SLC16A10: variants seen among roughly 807,000 people sequenced by gnomAD.
The protein encoded by SLC16A10 is monocarboxylate transporter 10.
SLC16A10 carries 27 observed loss-of-function variants against 40.0 expected under a neutral mutation model. The ratio of observed to expected loss-of-function variants is 0.67; its 90% confidence interval spans 0.50 to 0.93. The LOEUF is 0.93. Among genes scored for constraint, SLC16A10 ranks in the 40% least tolerant of loss-of-function variants. SLC16A10 has a pLI of 0.00. For synonymous variants in SLC16A10, 213 were observed against 249.8 expected (o/e 0.85, Z 1.39); for missense variants, 529 against 658.2 (o/e 0.80, Z 2.15).
At chr6:111,145,619 C>T (rs971290486) in intron 1 of SLC16A10, among the ~76,000 whole-genome samples, 1 of 151,972 alleles carries the variant, frequency 6.6e-6, no homozygotes, top group Non-Finnish European at 1.5e-5. Context: ...TAAGCTGAGA[C>T]AAGAAGATTA....
chr6:111,189,508 GT>G (rs1772954874), intron 3 of SLC16A10, among the ~76,000 whole-genome samples: 1 of 152,132 alleles, frequency 6.6e-6, no homozygotes, highest in Admixed American at 6.5e-5. Flanking sequence ...CCCAATCATT[GT>G]TTTTTCTTCG....
chr6:111,095,520 A>G (rs916263357), intron 1 of SLC16A10, among the ~76,000 whole-genome samples: 2 of 152,226 alleles, frequency 1.3e-5, no homozygotes, highest in African/African-American at 4.8e-5. Context: ...CATTTTAAAG[A>G]TGATCCATAT....
chr6:111,177,339 G>C lies in SLC16A10; in HGVS notation c.616G>C (p.Val206Leu). ...KKRLGLVNGI[V>L]TAGSSVFTIL... is the part of the protein sequence containing the mutation. ...GCGCCTTGGACTGGTGAATGGCATT[G>C]TCACTGCTGGCAGCAGTGTCTTCAC... is the stretch of plus-strand genomic sequence containing the variant. The change falls in exon 3 of 6, where the codon GTC (valine) becomes CTC (leucine). Residue 206 changes from valine to leucine, a missense_variant. By Grantham distance (32) the Val-to-Leu change is conservative. Transcript: ENST00000368851. 1 of 1,613,812 alleles carries C rather than the reference G, an allele frequency of 6.2e-7. No individual in the cohort carries two copies. Among genetic ancestry groups the C allele is most frequent in the Non-Finnish European group, 8.5e-7 (1 of 1,179,884 alleles).
intron 1 of SLC16A10, among the ~76,000 whole-genome samples, chr6:111,095,892 A>G (rs1337441827): frequency 3.3e-5 from 5 of 152,172 alleles, no homozygotes; most frequent in African/African-American, 9.7e-5. Context: ...CCAGCCTCAG[A>G]TATTTCTTCA....
At chr6:111,109,608 G>A (rs566296016) in intron 1 of SLC16A10, among the ~76,000 whole-genome samples, 3 of 152,022 alleles carry the variant, frequency 2.0e-5, no homozygotes, top group East Asian at 1.9e-4. Context: ...GTGTGTGCTA[G>A]TCTGTCTAAT....
intron 1 of SLC16A10, among the ~76,000 whole-genome samples, chr6:111,113,485 T>C (rs1771428129): frequency 6.6e-6 from 1 of 152,198 alleles, no homozygotes; most frequent in African/African-American, 2.4e-5. Flanking sequence ...TGTTGTTTGT[T>C]TGTTTTGCCA....
intron 1 of SLC16A10, among the ~76,000 whole-genome samples, chr6:111,136,667 C>G (rs1771883011): frequency 6.6e-6 from 1 of 152,194 alleles, no homozygotes; most frequent in South Asian, 2.1e-4. Flanking sequence ...AGGGGACCTT[C>G]TAGTGGTTCC....
chr6:111,130,510 T>G (rs991829570), intron 1 of SLC16A10, among the ~76,000 whole-genome samples: 1 of 152,236 alleles, frequency 6.6e-6, no homozygotes, highest in African/African-American at 2.4e-5. Flanking sequence ...TGAGCACTGT[T>G]GTACTCTCAG....
intron 2 of SLC16A10, 75 bp from the exon 3 acceptor site, chr6:111,177,137 C>CT: frequency 9.7e-7 from 1 of 1,028,390 alleles, no homozygotes; most frequent in Non-Finnish European, 1.3e-6. Flanking sequence ...CCCACTTATA[C>CT]TATAAGATTT....
chr6:111,151,946 G>C (rs1772179761), intron 1 of SLC16A10, among the ~76,000 whole-genome samples: 2 of 152,022 alleles, frequency 1.3e-5, no homozygotes, highest in Non-Finnish European at 2.9e-5. Flanking sequence ...ACACACCTTG[G>C]TCGATTATCA....
chr6:111,089,585 T>C (rs1340172556), intron 1 of SLC16A10, among the ~76,000 whole-genome samples: 1 of 152,186 alleles, frequency 6.6e-6, no homozygotes. Flanking sequence ...ATGGGCTAGG[T>C]ACAAAAAGTG....
intron 1 of SLC16A10, among the ~76,000 whole-genome samples, chr6:111,171,815 C>CAA (rs11396709): frequency 0.15 from 12,915 of 85,812 alleles, 800 homozygotes; most frequent in Middle Eastern, 0.25. Context: ...GACCTTTTCT[C>CAA]AAAAAAAAAA....
Position 111,218,880 on chromosome 6 carries a change from C to T in SLC16A10, c.1153C>T (p.Leu385Phe), listed in dbSNP as rs767041440. Residue 385 changes from leucine (L) to phenylalanine (F), a missense_variant, in exon 5 of 6, where the codon CTC becomes TTC. Physicochemically the swap from Leu to Phe is conservative, Grantham distance 22. Coordinates refer to ENST00000368851, the MANE Select transcript of SLC16A10 (RefSeq NM_018593.5). ...TCCTCTGTGTAGCATCTTTGGGGCC[C>T]TCATTGCTGTGTGCCTCATCATGGG... The part of the protein sequence containing the change: ...MIPLCSIFGA[L>F]IAVCLIMGLF... 6 of 1,614,064 alleles carry T rather than the reference C, an allele frequency of 3.7e-6. No homozygotes were observed. Among genetic ancestry groups the T allele is most frequent in the Non-Finnish European group, 5.1e-6 (6 of 1,180,022 alleles).
At chr6:111,110,867 T>C (rs1405388398) in intron 1 of SLC16A10, among the ~76,000 whole-genome samples, 1 of 152,206 alleles carries the variant, frequency 6.6e-6, no homozygotes, top group Admixed American at 6.5e-5. Context: ...GCCATATAGC[T>C]TCTCTCATAT....
chr6:111,142,157 G>A (rs1321875665), intron 1 of SLC16A10, among the ~76,000 whole-genome samples: 3 of 152,172 alleles, frequency 2.0e-5, no homozygotes, highest in African/African-American at 7.2e-5. Context: ...GTATGGTATT[G>A]GTGAAAGAAT....
chr6:111,126,972 T>A (rs901760239), intron 1 of SLC16A10, among the ~76,000 whole-genome samples: 1 of 152,210 alleles, frequency 6.6e-6, no homozygotes, highest in Non-Finnish European at 1.5e-5. Flanking sequence ...AAAACCGCAA[T>A]TACTTTTGCA....
intron 1 of SLC16A10, among the ~76,000 whole-genome samples, chr6:111,155,991 G>A (rs541043081): frequency 6.6e-6 from 1 of 152,184 alleles, no homozygotes; most frequent in East Asian, 1.9e-4. Flanking sequence ...ATATCAGAAA[G>A]CAAGGGAGTA....
chr6:111,167,288 C>G (rs1473099753), intron 1 of SLC16A10, among the ~76,000 whole-genome samples: 1 of 152,096 alleles, frequency 6.6e-6, no homozygotes, highest in African/African-American at 2.4e-5. Context: ...TTTAAATGTG[C>G]CACTTCACCT....
chr6:111,098,825 CATT>C (rs1214656416), intron 1 of SLC16A10, among the ~76,000 whole-genome samples: 1 of 152,170 alleles, frequency 6.6e-6, no homozygotes, highest in Non-Finnish European at 1.5e-5. Context: ...AGGAAGTTGT[CATT>C]GTTGTCCTGT....
Sources: gnomAD v4.1 joint callset for allele counts (sites outside exome capture counted in the v4.1 genomes callset) on GRCh38, gnomAD v4.1.1 for gene constraint, MANE v1.5 for transcripts, NCBI Gene and HGNC (gene_info 2026-07-23, HGNC 2026-07-21) for gene names.